Variants in THAP3 observed in about 807,000 individuals in gnomAD.
THAP3 encodes the protein THAP domain containing 3.
A neutral mutation model predicts 17.7 loss-of-function variants in THAP3; 12 were observed. The ratio of observed to expected loss-of-function variants is 0.68; its 90% CI spans 0.43 to 1.10. The LOEUF is 1.10. Among genes scored for constraint, THAP3 ranks in the 50% least tolerant of loss-of-function variants. THAP3 has a pLI of 0.00. For synonymous variants in THAP3, 133 were observed against 126.9 expected (o/e 1.05, Z -0.32); for missense variants, 289 against 318.0 (o/e 0.91, Z 0.69).
At chr1:6,626,315 GAAAT>G (rs372711216) in intron 2 of THAP3, among the ~76,000 whole-genome samples, 5 of 151,916 alleles carry the variant, frequency 3.3e-5, no homozygotes, top group African/African-American at 7.2e-5. Flanking sequence ...CTCAAAATAA[GAAAT>G]AAAACATCAC....
In THAP3 at chr1:6,628,586, C is replaced by T. The variant is rs1283076814; in HGVS notation, c.162C>T (p.Ile54=). 9.9e-6 allele frequency: 16 copies of T among 1,613,778 alleles called. No individual in the cohort carries two copies. The highest frequency in any genetic ancestry group is 4.4e-5 in the South Asian group (4 of 91,074). The change falls in exon 3 of 6, where the codon ATC becomes ATT. Residue 54 remains isoleucine, a synonymous_variant. Transcript: ENST00000054650. ...TCAAGCCCAAGCAGCACACGGTCAT[C>T]TGCTCCGAGCACTTCCGGCCAGAGT... is the stretch of plus-strand genomic sequence containing the variant. ...GNFKPKQHTV[I]CSEHFRPECF...
intron 3 of THAP3, 72 bp from the exon 4 acceptor site, chr1:6,630,216 T>C: frequency 7.3e-7 from 1 of 1,360,598 alleles, no homozygotes; most frequent in Non-Finnish European, 1.1e-6. Context: ...GGGACAAGCA[T>C]GATGCCCGAG....
downstream of THAP3, chr1:6,634,959 G>C (rs1641732950): frequency 1.1e-5 from 11 of 1,018,848 alleles, no homozygotes; most frequent in Non-Finnish European, 1.3e-5. Flanking sequence ...GCTGGTGGCA[G>C]GGCGTTTTCC....
In THAP3 at chr1:6,632,971, G is replaced by A. The variant is rs753824698; in HGVS notation, c.614G>A (p.Arg205His). 7 of 1,612,818 alleles carry A rather than the reference G, an allele frequency of 4.3e-6. No homozygotes were observed. The highest frequency in any genetic ancestry group is 4.0e-5 in the African/African-American group (3 of 74,952). ...AAGGAAAATGAAAAGCTCCGGAAGCGCTTGCAGGCCCAGAGGCTGGTGATG... is the reference window on the plus strand; with the variant it reads ...AAGGAAAATGAAAAGCTCCGGAAGCACTTGCAGGCCCAGAGGCTGGTGATG... Reference protein sequence around the residue: ...TLKENEKLRKRLQAQRLVMRR... With the variant: ...TLKENEKLRKHLQAQRLVMRR... The change falls in exon 6 of 6, where the codon CGC becomes CAC. Residue 205 changes from arginine to histidine, a missense_variant. Arg to His is a conservative substitution (Grantham distance 29). Transcript: ENST00000054650.
At chr1:6,633,807 G>A (rs1427428837), downstream of THAP3, among the ~76,000 whole-genome samples, 1 of 152,080 alleles carries the variant, frequency 6.6e-6, no homozygotes, top group African/African-American at 2.4e-5. Flanking sequence ...CTACCTGGGA[G>A]GCTGAGACAG....
In THAP3 at chr1:6,633,191, G is replaced by T. The variant is rs577568899; in HGVS notation, c.*114G>T. 6.1e-6 allele frequency: 9 copies of T among 1,466,166 alleles called. No homozygotes were observed. The Admixed American group carries it at 2.4e-4, about 39-fold the overall frequency. The allele number at this position is 1,466,166 out of a possible 1,614,324, so 90.8% of individuals were successfully genotyped here. Reference sequence around the variant, plus strand: ...GGACACTGAGAAAGTTGGCCATGAGGCCTGCTTGGCCGGGGATCGAGACAG... The same window carrying T: ...GGACACTGAGAAAGTTGGCCATGAGTCCTGCTTGGCCGGGGATCGAGACAG... On this transcript the variant is annotated 3_prime_UTR_variant, in exon 6 of 6. Coordinates refer to ENST00000054650, the MANE Select transcript of THAP3 (RefSeq NM_001195753.2).
At chr1:6,631,097 C>G (rs528619460) in intron 4 of THAP3, among the ~76,000 whole-genome samples, 15 of 152,268 alleles carry the variant, frequency 9.9e-5, no homozygotes, top group African/African-American at 3.6e-4. Flanking sequence ...CTCAACCTCC[C>G]AGGATCAAGC....
chr1:6,626,179 G>T (rs1241021304), intron 2 of THAP3, among the ~76,000 whole-genome samples: 2 of 152,058 alleles, frequency 1.3e-5, no homozygotes, highest in Non-Finnish European at 2.9e-5. Context: ...GCAAGGTGGT[G>T]TGCCCCTGTA....
chr1:6,630,253 G>A, intron 3 of THAP3, 35 bp from the exon 4 acceptor site: 8 of 1,605,238 alleles, frequency 5.0e-6, no homozygotes, highest in Non-Finnish European at 6.8e-6. Flanking sequence ...GAGGGTTCTT[G>A]GGGTCTGCAT....
At position 6,625,137 on chromosome 1, in the gene THAP3, C is replaced by CCCCA; in HGVS notation, c.-69-10_-69-9insACCC. 7.0e-7 allele frequency: 1 copy of CCCCA among 1,421,862 alleles called. No individual in the cohort carries two copies. Among genetic ancestry groups the CCCCA allele is most frequent in the Non-Finnish European group, 9.5e-7 (1 of 1,057,728 alleles). The allele number at this position is 1,421,862 out of a possible 1,614,324, so 88.1% of individuals were successfully genotyped here. A position where few individuals can be genotyped will look rare whatever the true frequency, so the allele number is the denominator to read the frequency against. On this transcript the variant is annotated splice_polypyrimidine_tract_variant and intron_variant, in intron 1 of 5. Coordinates refer to ENST00000054650, the MANE Select transcript of THAP3 (RefSeq NM_001195753.2). Reference sequence around the variant, plus strand: ...CCGTCACCACCTCCCAGCGGCCCCGCCCCTCCCCGCAGGTCCCTCCCCTCT... The same window carrying CCCCA: ...CCGTCACCACCTCCCAGCGGCCCCGCCCCACCCTCCCCGCAGGTCCCTCCCCTCT...
At chr1:6,632,639 TCTC>T in intron 5 of THAP3, 144 bp downstream of exon 5, 11 of 1,440,116 alleles carry the variant, frequency 7.6e-6, no homozygotes, top group Non-Finnish European at 1.0e-5. Context: ...CCAGTCAAAT[TCTC>T]CACCATGGTG....
intron 4 of THAP3, among the ~76,000 whole-genome samples, chr1:6,631,535 G>A (rs1276317639): frequency 2.6e-5 from 4 of 152,106 alleles, no homozygotes; most frequent in African/African-American, 4.8e-5. Flanking sequence ...TTGGGAGGCC[G>A]AGGCAGGCGG....
At chr1:6,627,019 C>T (rs540515212) in intron 2 of THAP3, among the ~76,000 whole-genome samples, 1 of 152,198 alleles carries the variant, frequency 6.6e-6, no homozygotes, top group Non-Finnish European at 1.5e-5. Flanking sequence ...CACTAGTGAG[C>T]CTTGTGACAC....
chr1:6,626,092 G>A (rs1202664483), intron 2 of THAP3, among the ~76,000 whole-genome samples: 1 of 151,998 alleles, frequency 6.6e-6, no homozygotes, highest in East Asian at 1.9e-4. Context: ...AGGATCGCTT[G>A]AGCCTGGGAG....
chr1:6,634,928 G>C, downstream of THAP3: 4 of 1,139,804 alleles, frequency 3.5e-6, no homozygotes, highest in South Asian at 6.4e-5. Context: ...GCGGTGGAGG[G>C]ACACAGGCCA....
chr1:6,629,173 ATG>A (rs1250877692), intron 3 of THAP3, among the ~76,000 whole-genome samples: 1 of 152,164 alleles, frequency 6.6e-6, no homozygotes, highest in Non-Finnish European at 1.5e-5. Flanking sequence ...TGGAGGTGGG[ATG>A]TGTGGGCCTG....
At chr1:6,634,454 A>T (rs17692), downstream of THAP3, 255,180 of 1,293,922 alleles carry the variant, frequency 0.2, 28,460 homozygotes, top group Admixed American at 0.41. Context: ...CTGGGGAGGG[A>T]GGCCTGACTT....
chr1:6,631,255 G>A (rs1641606243), intron 4 of THAP3, among the ~76,000 whole-genome samples: 3 of 151,162 alleles, frequency 2.0e-5, no homozygotes, highest in Admixed American at 1.3e-4. Flanking sequence ...GGATTCAGGG[G>A]ATTCTCCTGC....
chr1:6,626,294 C>T (rs1383786373), intron 2 of THAP3, among the ~76,000 whole-genome samples: 2 of 151,998 alleles, frequency 1.3e-5, no homozygotes, highest in African/African-American at 2.4e-5. Context: ...GGTGACAGAG[C>T]GATACCTCAT....
Sources: gnomAD v4.1 joint callset for allele counts (sites outside exome capture counted in the v4.1 genomes callset) on GRCh38, gnomAD v4.1.1 for gene constraint, MANE v1.5 for transcripts, NCBI Gene and HGNC (gene_info 2026-07-23, HGNC 2026-07-21) for gene names.